The following ASIC2 variants were observed in gnomAD, a reference collection of about 807,000 sequenced individuals.
The protein encoded by ASIC2 is acid sensing ion channel subunit 2.
A neutral mutation model predicts 57.3 loss-of-function variants in ASIC2; 25 were observed. The ratio of observed to expected loss-of-function variants is 0.44; its 90% confidence interval spans 0.32 to 0.61. The LOEUF (loss-of-function observed/expected upper bound fraction) is 0.61, where lower values mean the gene tolerates loss of function less well. ASIC2 is among the 20% of genes least tolerant of loss of function. The pLI is 0.06. For missense variants in ASIC2, 641 were observed against 738.1 expected (o/e 0.87, Z 1.52); for synonymous variants, 319 against 307.5 (o/e 1.04, Z -0.39).
At chr17:33,744,028 T>C (rs1285679623) in intron 1 of ASIC2, among the ~76,000 whole-genome samples, 2 of 152,188 alleles carry the variant, frequency 1.3e-5, no homozygotes, top group African/African-American at 4.8e-5. Flanking sequence ...AGATTTTGCC[T>C]AGCCAGTCTC....
Position 33,784,275 on chromosome 17 carries a change from G to A in ASIC2, c.555+371703C>T, listed in dbSNP as rs369294190. Among the ~76,000 whole-genome samples, 117 of 152,294 alleles carry A rather than the reference G, an allele frequency of 7.7e-4. 1 individual carries two copies. The South Asian group carries it at 0.024, about 31-fold the overall frequency. On this transcript the variant is annotated intron_variant, in intron 1 of 9. Transcript: ENST00000359872. ...GGGCATTCAGGGAGATAATACATGG[G>A]TAGTTCTGGCAATGCCTGGCATGTA...
intron 1 of ASIC2, among the ~76,000 whole-genome samples, chr17:33,430,920 A>G (rs777367965): frequency 3.9e-5 from 6 of 152,140 alleles, no homozygotes; most frequent in South Asian, 2.1e-4. Context: ...GGTAAAGCAC[A>G]CTGGGTAATG....
intron 1 of ASIC2, among the ~76,000 whole-genome samples, chr17:33,707,836 G>A (rs1055854458): frequency 6.6e-6 from 1 of 152,204 alleles, no homozygotes; most frequent in Non-Finnish European, 1.5e-5. Context: ...GCTCCTGCAG[G>A]CATGGAGCCA....
chr17:33,233,765 C>T (rs319769), intron 1 of ASIC2, among the ~76,000 whole-genome samples: 3,707 of 152,134 alleles, frequency 0.024, 65 homozygotes, highest in Middle Eastern at 0.048. Context: ...AAAAGAATCC[C>T]TCGTTCTACA....
At chr17:34,145,761 C>T (rs1397406135) in intron 1 of ASIC2, among the ~76,000 whole-genome samples, 2 of 152,220 alleles carry the variant, frequency 1.3e-5, no homozygotes, top group African/African-American at 4.8e-5. Flanking sequence ...TCATACGCTC[C>T]TCATCGCTCG....
chr17:34,129,963 C>A (rs540168340), intron 1 of ASIC2, among the ~76,000 whole-genome samples: 9 of 152,270 alleles, frequency 5.9e-5, no homozygotes, highest in Admixed American at 5.9e-4. Context: ...AAGGAGCTGG[C>A]CCAGTGGAGC....
At chr17:33,836,116 CT>C (rs747425378) in intron 1 of ASIC2, among the ~76,000 whole-genome samples, 2,198 of 116,314 alleles carry the variant, frequency 0.019, 17 homozygotes, top group African/African-American at 0.064. Flanking sequence ...CCTCATACAG[CT>C]TTTTTTTTTT....
intron 1 of ASIC2, among the ~76,000 whole-genome samples, chr17:33,897,318 C>A (rs141031720): frequency 2.6e-5 from 4 of 152,268 alleles, no homozygotes; most frequent in African/African-American, 9.6e-5. Flanking sequence ...AATGGTTTTG[C>A]CCCAAAGCCT....
At chr17:33,812,027 T>C (rs1207255424) in intron 1 of ASIC2, among the ~76,000 whole-genome samples, 2 of 152,340 alleles carry the variant, frequency 1.3e-5, no homozygotes, top group East Asian at 3.9e-4. Flanking sequence ...TCCCTGTTCC[T>C]GCACCACCGT....
At chr17:33,367,974 A>G (rs1908884222) in intron 1 of ASIC2, among the ~76,000 whole-genome samples, 1 of 152,242 alleles carries the variant, frequency 6.6e-6, no homozygotes, top group South Asian at 2.1e-4. Flanking sequence ...CCACTGTAGC[A>G]TGAGACAGTA....
chr17:34,097,880 C>T (rs1332500197), intron 1 of ASIC2, among the ~76,000 whole-genome samples: 1 of 152,164 alleles, frequency 6.6e-6, no homozygotes, highest in Non-Finnish European at 1.5e-5. Context: ...CCAGAATTAA[C>T]ATGGCAGACC....
chr17:33,399,072 GGA>G (rs1266947801), intron 1 of ASIC2, among the ~76,000 whole-genome samples: 46 of 152,116 alleles, frequency 3.0e-4, no homozygotes, highest in Non-Finnish European at 1.8e-4. Context: ...AAGGCTGGAG[GGA>G]GAGAGAAGAA....
intron 1 of ASIC2, among the ~76,000 whole-genome samples, chr17:33,167,935 C>T: frequency 6.6e-6 from 1 of 152,200 alleles, no homozygotes; most frequent in African/African-American, 2.4e-5. Context: ...ATTTAATTGC[C>T]TTTGGAACAA....
At chr17:33,693,198 C>T (rs1386761181) in intron 1 of ASIC2, among the ~76,000 whole-genome samples, 1 of 152,156 alleles carries the variant, frequency 6.6e-6, no homozygotes, top group Admixed American at 6.5e-5. Context: ...AGTAACATAT[C>T]TTTTAAAAAT....
chr17:33,517,221 T>A (rs552916428), intron 1 of ASIC2, among the ~76,000 whole-genome samples: 2 of 152,330 alleles, frequency 1.3e-5, no homozygotes, highest in East Asian at 1.9e-4. Flanking sequence ...GTTCAAGTGA[T>A]TCTCCTGCCT....
At chr17:33,813,460 G>A (rs1032305243) in intron 1 of ASIC2, among the ~76,000 whole-genome samples, 2 of 151,878 alleles carry the variant, frequency 1.3e-5, no homozygotes, top group Non-Finnish European at 2.9e-5. Flanking sequence ...TTTTTGTGAC[G>A]GAGTCTCACT....
chr17:33,173,101 C>T (rs1310852376), intron 1 of ASIC2, among the ~76,000 whole-genome samples: 4 of 152,194 alleles, frequency 2.6e-5, no homozygotes, highest in Non-Finnish European at 5.9e-5. Context: ...GCATACAGTA[C>T]GTGCTCCATA....
chr17:33,593,091 C>G (rs907033496), intron 1 of ASIC2, among the ~76,000 whole-genome samples: 7 of 152,200 alleles, frequency 4.6e-5, no homozygotes, highest in Non-Finnish European at 7.3e-5. Flanking sequence ...ATCTGCAAAC[C>G]ACAAAAGTCA....
rs1207952249 is a variant in ASIC2, at chr17:33,573,655, TC to T, written c.556-461589del. Among the ~76,000 whole-genome samples the T allele has an allele frequency of 4.6e-5, 7 of 152,284 alleles. No homozygotes were observed. In the East Asian group the frequency reaches 1.2e-3, roughly 25 times the overall value. On this transcript the variant is annotated intron_variant, in intron 1 of 9. Transcript: ENST00000359872. ...ATCTTGGCTCACTGCAACTTCTGGCTCCCAGGTTCAAGCGATTCTCCTGCCT... is the reference window on the plus strand; with the variant it reads ...ATCTTGGCTCACTGCAACTTCTGGCTCCAGGTTCAAGCGATTCTCCTGCCT...
Sources: allele counts gnomAD v4.1 joint callset (sites outside exome capture counted in the v4.1 genomes callset), GRCh38; gene constraint gnomAD v4.1.1; transcripts MANE v1.5; gene names NCBI Gene and HGNC (gene_info 2026-07-23, HGNC 2026-07-21).